Variants in PCDHGA4 observed in about 807,000 individuals in gnomAD.
The protein encoded by PCDHGA4 is protocadherin gamma subfamily A, 4.
Under a neutral mutation model 54.6 loss-of-function variants are expected in PCDHGA4, and 38 were observed. The ratio of observed to expected loss-of-function variants is 0.70; its 90% confidence interval spans 0.54 to 0.91. The LOEUF (loss-of-function observed/expected upper bound fraction) is 0.91. Ranked by LOEUF, PCDHGA4 falls within the 40% of genes least tolerant of loss-of-function variation. The pLI, the probability that PCDHGA4 is intolerant of heterozygous loss-of-function variation, is 0.00. For synonymous variants in PCDHGA4, 511 were observed against 512.9 expected, an observed-to-expected ratio of 1.00 and a Z score of 0.05; for missense variants, 1,298 against 1,220.9, an observed-to-expected ratio of 1.06 and a Z score of -0.94.
At chr5:141,460,883 C>T (rs371847673) in intron 1 of PCDHGA4, among the ~76,000 whole-genome samples, 2 of 149,996 alleles carry the variant, frequency 1.3e-5, no homozygotes, top group East Asian at 2.0e-4. Context: ...TATTTCATGC[C>T]TTTTCGTGGC....
At chr5:141,362,004 G>T in intron 1 of PCDHGA4, 1 of 1,604,470 alleles carries the variant, frequency 6.2e-7, no homozygotes, top group South Asian at 1.1e-5. Flanking sequence ...GGTTGCGCAC[G>T]GGTGAGGTGC....
chr5:141,438,579 CATACATACATACATATAT>C (rs1303045573), intron 1 of PCDHGA4, among the ~76,000 whole-genome samples: 21 of 55,772 alleles, frequency 3.8e-4, no homozygotes, highest in Admixed American at 1.1e-3. Context: ...GATATACATA[CATACATACATACATATAT>C]ATATATATAT....
intron 1 of PCDHGA4, among the ~76,000 whole-genome samples, chr5:141,472,980 C>CAAAAAAAAAAAAAAAAAGAAAAAAA (rs2099309731): frequency 1.2e-5 from 1 of 86,102 alleles, no homozygotes; most frequent in African/African-American, 3.9e-5. Flanking sequence ...GAGTGAAACT[C>CAAAAAAAAAAAAAAAAAGAAAAAAA]AAAAAAAAAA....
At chr5:141,364,466 G>T (rs1391136210) in intron 1 of PCDHGA4, 2 of 1,613,990 alleles carry the variant, frequency 1.2e-6, no homozygotes, top group Non-Finnish European at 1.7e-6. Context: ...CTCCTTCGTC[G>T]GCAACATAGC....
intron 1 of PCDHGA4, chr5:141,400,117 T>C (rs2093964744): frequency 1.2e-6 from 2 of 1,614,050 alleles, no homozygotes; most frequent in Non-Finnish European, 1.7e-6. Context: ...TGCTGACAGC[T>C]TGCAGGAGGT....
intron 1 of PCDHGA4, among the ~76,000 whole-genome samples, chr5:141,470,068 G>A (rs1269966360): frequency 6.6e-6 from 1 of 152,240 alleles, no homozygotes; most frequent in East Asian, 1.9e-4. Flanking sequence ...GGCAGAGACT[G>A]TAGTGATCTG....
intron 1 of PCDHGA4, chr5:141,422,951 G>C (rs1382138030): frequency 3.7e-6 from 6 of 1,614,236 alleles, no homozygotes; most frequent in South Asian, 3.3e-5. Flanking sequence ...GGCTCCACTG[G>C]CGTGGAGCTG....
chr5:141,391,134 C>T (rs2092305385), intron 1 of PCDHGA4: 1 of 152,118 alleles, frequency 6.6e-6, no homozygotes, highest in African/African-American at 2.4e-5. Context: ...TAATCATTCT[C>T]CTACCTCTAG....
Position 141,356,884 on chromosome 5 carries a change from A to C in PCDHGA4, c.1777A>C (p.Ile593Leu), listed in dbSNP as rs1760376800. 7 of 1,614,176 alleles carry C rather than the reference A, an allele frequency of 4.3e-6. No homozygotes were observed. The highest frequency in any genetic ancestry group is 5.9e-6 in the Non-Finnish European group (7 of 1,180,026). The change falls in exon 1 of 4, where the codon ATC becomes CTC. Residue 593 changes from isoleucine to leucine, a missense_variant. Ile to Leu is a conservative substitution (Grantham distance 5). Coordinates refer to ENST00000571252, the MANE Select transcript of PCDHGA4 (RefSeq NM_018917.4). ...GGACCAGAACGACAATGTCCCTGAG[A>C]TCCTGTACCCCACCTTCCCTACTGA... ...VLDQNDNVPE[I>L]LYPTFPTDGS... is the part of the protein sequence containing the mutation.
Position 141,356,930 on chromosome 5 carries a change from T to C in PCDHGA4, c.1823T>C (p.Leu608Pro), listed in dbSNP as rs1448089911. 6.2e-7 allele frequency: 1 copy of C among 1,614,192 alleles called. No individual in the cohort carries two copies. Among genetic ancestry groups the C allele is most frequent in the East Asian group, 2.2e-5 (1 of 44,864 alleles). The change falls in exon 1 of 4, where the codon CTG (leucine) becomes CCG (proline). Residue 608 changes from leucine to proline, a missense_variant. Leu to Pro is a moderately conservative substitution (Grantham distance 98). Coordinates refer to ENST00000571252, the MANE Select transcript of PCDHGA4 (RefSeq NM_018917.4). ...ACTGATGGCTCCACTGGTGTGGAGC[T>C]GGCACCCCGCTCCGCAGATTCCGGC... ...FPTDGSTGVE[L>P]APRSADSGYL...
chr5:141,372,798 A>T (rs900906773), intron 1 of PCDHGA4: 2 of 1,597,288 alleles, frequency 1.3e-6, no homozygotes, highest in Non-Finnish European at 1.7e-6. Flanking sequence ...TAATTCAGGC[A>T]ATTTGCAAAA....
intron 1 of PCDHGA4, chr5:141,389,594 T>G (rs1458391866): frequency 1.2e-5 from 19 of 1,613,068 alleles, no homozygotes; most frequent in Non-Finnish European, 1.5e-5. Flanking sequence ...CCGACGGCTC[T>G]GCGCTCTTCG....
chr5:141,484,532 G>A (rs1421387882), intron 1 of PCDHGA4, among the ~76,000 whole-genome samples: 1 of 152,182 alleles, frequency 6.6e-6, no homozygotes, highest in Non-Finnish European at 1.5e-5. Context: ...TTGAGTATAT[G>A]GCAGTGGTTC....
At chr5:141,400,008 C>A (rs1395195387) in intron 1 of PCDHGA4, 1 of 1,612,692 alleles carries the variant, frequency 6.2e-7, no homozygotes, top group South Asian at 1.1e-5. Flanking sequence ...CAGCGCGTGC[C>A]TTGGGCGACA....
chr5:141,410,440 G>A, intron 1 of PCDHGA4: 1 of 1,614,036 alleles, frequency 6.2e-7, no homozygotes, highest in Non-Finnish European at 8.5e-7. Context: ...ACAGTGAGGG[G>A]ACTTTGCCTT....
At chr5:141,362,228 T>C in intron 1 of PCDHGA4, 2 of 1,614,028 alleles carry the variant, frequency 1.2e-6, no homozygotes, top group African/African-American at 1.3e-5. Context: ...GCCTTGGCCT[T>C]GATCTCAGTG....
At position 141,410,204 on chromosome 5, in the gene PCDHGA4, T is replaced by C. The variant is rs1212919717; in HGVS notation, c.2514+52583T>C. 11 of 1,613,954 alleles carry C rather than the reference T, an allele frequency of 6.8e-6. No homozygotes were observed. In the South Asian group the frequency reaches 9.9e-5, roughly 14 times the overall value. Reference sequence around the variant, plus strand: ...GCTTCATCTGGTCTTCGCAGACAACTTGCAAGAGATACTGCCAGACCTCAG... The same window carrying C: ...GCTTCATCTGGTCTTCGCAGACAACCTGCAAGAGATACTGCCAGACCTCAG... On this transcript the variant is annotated intron_variant, in intron 1 of 3. Transcript: ENST00000571252.
intron 1 of PCDHGA4, chr5:141,478,675 G>A (rs1264846161): frequency 6.4e-7 from 1 of 1,551,574 alleles, no homozygotes; most frequent in South Asian, 1.2e-5. Context: ...ACTTTCAACT[G>A]GCCCTTCCTA....
At chr5:141,371,459 T>C in intron 1 of PCDHGA4, 1 of 1,613,970 alleles carries the variant, frequency 6.2e-7, no homozygotes, top group Non-Finnish European at 8.5e-7. Context: ...AATCCCAACA[T>C]ATACAAGAAG....
Sources: gnomAD v4.1 joint callset for allele counts (sites outside exome capture counted in the v4.1 genomes callset) on GRCh38, gnomAD v4.1.1 for gene constraint, MANE v1.5 for transcripts, NCBI Gene and HGNC (gene_info 2026-07-23, HGNC 2026-07-21) for gene names.